Variants in PCDH9 observed in about 807,000 individuals in gnomAD.
PCDH9 encodes the protein protocadherin 9.
PCDH9 carries 24 observed loss-of-function variants against 70.6 expected under a neutral mutation model. The observed-to-expected ratio is 0.34, with a 90% CI of 0.25 to 0.48. PCDH9 has a LOEUF of 0.48. Ranked by LOEUF, PCDH9 falls within the 20% of genes least tolerant of loss-of-function variation. PCDH9 has a pLI of 0.99. For synonymous variants in PCDH9, 562 were observed against 558.5 expected (o/e 1.01, Z -0.09); for missense variants, 1,281 against 1,503.6 (o/e 0.85, Z 2.45).
At chr13:66,624,955 T>TA (rs527245355) in intron 4 of PCDH9, among the ~76,000 whole-genome samples, 113 of 5,072 alleles carry the variant, frequency 0.022, no homozygotes, top group Admixed American at 0.045. Context: ...TTAAAACACG[T>TA]AAAAAAATAG....
Position 66,352,921 on chromosome 13 carries a change from C to T in PCDH9, c.3341-47893G>A, listed in dbSNP as rs148252312. ...GCACTGTGGAACACTTAAATGAATT[C>T]CTCCACTCTGATCTAGCCATTAAAT... is the stretch of plus-strand genomic sequence containing the variant. On this transcript the variant is annotated intron_variant, in intron 4 of 4. Coordinates refer to ENST00000377865, the MANE Select transcript of PCDH9 (RefSeq NM_203487.3). 4.2e-3 allele frequency among the ~76,000 whole-genome samples: 637 copies of T among 152,244 alleles called. 3 individuals are homozygous for T. The highest frequency in any genetic ancestry group is 0.015 in the African/African-American group (605 of 41,546).
chr13:67,137,214 T>A (rs904669877), intron 2 of PCDH9, among the ~76,000 whole-genome samples: 1 of 152,146 alleles, frequency 6.6e-6, no homozygotes, highest in South Asian at 2.1e-4. Context: ...CTAATCATTT[T>A]GTTCGGTAAA....
At chr13:66,442,505 T>C (rs1227765582) in intron 4 of PCDH9, among the ~76,000 whole-genome samples, 2 of 152,112 alleles carry the variant, frequency 1.3e-5, no homozygotes, top group South Asian at 2.1e-4. Context: ...AGAAAAAGGA[T>C]ACAATGGAAT....
At chr13:66,485,731 TA>T (rs1477045155) in intron 4 of PCDH9, among the ~76,000 whole-genome samples, 4 of 152,040 alleles carry the variant, frequency 2.6e-5, no homozygotes, top group African/African-American at 9.7e-5. Flanking sequence ...TTCATTTATT[TA>T]TTTATTTTTT....
chr13:66,793,369 A>G (rs1024593019), intron 3 of PCDH9, among the ~76,000 whole-genome samples: 9 of 152,182 alleles, frequency 5.9e-5, no homozygotes, highest in Admixed American at 4.6e-4. Flanking sequence ...AGTCTAGAAT[A>G]AAACAGATAG....
chr13:66,316,503 G>T (rs768903669), intron 4 of PCDH9, among the ~76,000 whole-genome samples: 2 of 152,026 alleles, frequency 1.3e-5, no homozygotes, highest in Admixed American at 6.5e-5. Flanking sequence ...GTACTTCCCT[G>T]CTCTCCCACA....
intron 3 of PCDH9, among the ~76,000 whole-genome samples, chr13:66,650,609 G>T (rs886525276): frequency 1.3e-4 from 19 of 151,804 alleles, no homozygotes; most frequent in Admixed American, 1.2e-3. Context: ...ACGTTGTCTT[G>T]CAAAGTCCCC....
At chr13:66,784,049 G>A (rs1594056877) in intron 3 of PCDH9, among the ~76,000 whole-genome samples, 1 of 151,940 alleles carries the variant, frequency 6.6e-6, no homozygotes, top group East Asian at 1.9e-4. Flanking sequence ...ACTTCATTAA[G>A]GAAAAAATAG....
intron 2 of PCDH9, among the ~76,000 whole-genome samples, chr13:67,158,018 T>C (rs1269689323): frequency 6.6e-6 from 1 of 152,322 alleles, no homozygotes; most frequent in South Asian, 2.1e-4. Context: ...AGTTTAAAAG[T>C]AAACTTCTTA....
intron 2 of PCDH9, chr13:67,221,895 C>G (rs939288108): frequency 6.6e-6 from 1 of 151,994 alleles, no homozygotes; most frequent in Non-Finnish European, 1.5e-5. Context: ...GCTGACACTT[C>G]CTGTTTCAAT....
chr13:67,081,538 A>C (rs2085983428), intron 2 of PCDH9, among the ~76,000 whole-genome samples: 1 of 152,204 alleles, frequency 6.6e-6, no homozygotes, highest in Non-Finnish European at 1.5e-5. Flanking sequence ...ACTGCACTCC[A>C]GCTGGGGCAA....
chr13:66,727,564 TA>T (rs1483991410), intron 3 of PCDH9, among the ~76,000 whole-genome samples: 3 of 152,170 alleles, frequency 2.0e-5, no homozygotes, highest in African/African-American at 7.2e-5. Flanking sequence ...AAATATATTA[TA>T]TTTTTGTGGC....
At chr13:67,009,036 A>AT (rs1487520167) in intron 2 of PCDH9, among the ~76,000 whole-genome samples, 2 of 152,024 alleles carry the variant, frequency 1.3e-5, no homozygotes, top group Middle Eastern at 3.2e-3. Context: ...TTATTTTTAT[A>AT]TTTTTTTATT....
At chr13:67,211,047 T>C (rs900012297) in intron 2 of PCDH9, 4 of 152,016 alleles carry the variant, frequency 2.6e-5, no homozygotes, top group African/African-American at 9.7e-5. Context: ...ATATATCCTG[T>C]TGCTTGGTTC....
At chr13:66,805,738 T>A (rs1418162175) in intron 3 of PCDH9, among the ~76,000 whole-genome samples, 1 of 152,202 alleles carries the variant, frequency 6.6e-6, no homozygotes, top group Non-Finnish European at 1.5e-5. Flanking sequence ...ATCAAGATGA[T>A]ACTATTTCTT....
intron 3 of PCDH9, among the ~76,000 whole-genome samples, chr13:66,743,850 C>G (rs1566164765): frequency 6.6e-6 from 1 of 151,614 alleles, no homozygotes. Flanking sequence ...TGTAAGAAAA[C>G]AAAACACAAG....
intron 2 of PCDH9, among the ~76,000 whole-genome samples, chr13:67,091,440 T>C (rs899987125): frequency 6.6e-6 from 1 of 152,154 alleles, no homozygotes; most frequent in Non-Finnish European, 1.5e-5. Flanking sequence ...TCATGTTTCA[T>C]TGAATATGTT....
Position 67,019,694 on chromosome 13 carries a change from G to GCTAT in PCDH9, c.3037-116090_3037-116089insATAG, listed in dbSNP as rs2084637202. ...GCTCAGCAAATGCTTAAGGAGATAA[G>GCTAT]GGGTAACCTCAAGCTATGGTAGACT... On this transcript the variant is annotated intron_variant, in intron 2 of 4. Transcript: ENST00000377865. Among the ~76,000 whole-genome samples the GCTAT allele has an allele frequency of 2.0e-5, 3 of 152,218 alleles. No individual in the cohort carries two copies. The East Asian group carries it at 5.8e-4, about 30-fold the overall frequency.
intron 2 of PCDH9, among the ~76,000 whole-genome samples, chr13:66,918,556 G>C (rs981416327): frequency 6.6e-6 from 1 of 151,114 alleles, no homozygotes; most frequent in Non-Finnish European, 1.5e-5. Flanking sequence ...TAAAATGAAT[G>C]TATCTTAATT....
Sources: allele counts gnomAD v4.1 joint callset (sites outside exome capture counted in the v4.1 genomes callset), GRCh38; gene constraint gnomAD v4.1.1; transcripts MANE v1.5; gene names NCBI Gene and HGNC (gene_info 2026-07-23, HGNC 2026-07-21).